UBE3C: variants seen among roughly 807,000 people sequenced by gnomAD.
UBE3C encodes the protein ubiquitin-protein ligase E3C.
Under a neutral mutation model 129.4 loss-of-function variants are expected in UBE3C, and 42 were observed. The ratio of observed to expected loss-of-function variants is 0.32; its 90% confidence interval spans 0.25 to 0.42. The LOEUF is 0.42. Ranked by LOEUF, UBE3C falls within the 10% of genes least tolerant of loss-of-function variation. The pLI is 1.00. For missense variants in UBE3C, 1,049 were observed against 1,319.1 expected (o/e 0.80, Z 3.17); for synonymous variants, 510 against 492.4 (o/e 1.04, Z -0.47).
chr7:157,198,222 G>T, intron 10 of UBE3C: 1 of 1,472,454 alleles, frequency 6.8e-7, no homozygotes, highest in Non-Finnish European at 9.5e-7. Flanking sequence ...CTTACAAAAG[G>T]AATTACCCAA....
chr7:157,164,282 C>T, intron 2 of UBE3C: 1 of 451,236 alleles, frequency 2.2e-6, no homozygotes, highest in Non-Finnish European at 4.4e-6. Context: ...CTCTAGCCTC[C>T]TGTAGCTGGG....
intron 1 of UBE3C, among the ~76,000 whole-genome samples, chr7:157,143,025 G>T (rs545952092): frequency 6.6e-6 from 1 of 151,878 alleles, no homozygotes; most frequent in South Asian, 2.1e-4. Context: ...GCACCACCAC[G>T]TCTGGCTAAT....
At chr7:157,218,428 G>A (rs1463655253) in intron 14 of UBE3C, among the ~76,000 whole-genome samples, 4 of 151,624 alleles carry the variant, frequency 2.6e-5, no homozygotes, top group East Asian at 1.9e-4. Flanking sequence ...CAGCCTGGGC[G>A]ACAGAGCAAG....
rs1808940502 is a variant in UBE3C at position 157,190,810 on chromosome 7, C to A, written c.1331+3789C>A. Among the ~76,000 whole-genome samples the A allele has an allele frequency of 2.0e-5, 3 of 152,246 alleles. No individual in the cohort carries two copies. The South Asian group carries it at 6.2e-4, about 31-fold the overall frequency. On this transcript the variant is annotated intron_variant, in intron 10 of 22. Coordinates refer to ENST00000348165, the MANE Select transcript of UBE3C (RefSeq NM_014671.3). ...GTTTACCTCTCAACTTTATTTCTAG[C>A]ACAAAATACTTTTTCTCCAACCATA...
intron 1 of UBE3C, among the ~76,000 whole-genome samples, chr7:157,156,371 A>G (rs548727822): frequency 2.7e-3 from 362 of 133,226 alleles, no homozygotes; most frequent in Middle Eastern, 9.3e-3. Context: ...CAGTGGCATG[A>G]TCTCGGCTCA....
intron 15 of UBE3C, 176 bp from the exon 16 acceptor site, chr7:157,223,078 G>C (rs1795782616): frequency 1.6e-6 from 1 of 616,308 alleles, no homozygotes; most frequent in Non-Finnish European, 2.9e-6. Context: ...CTACTGTGCT[G>C]ATCCTGCACT....
At chr7:157,250,332 G>A (rs1032715282) in intron 19 of UBE3C, among the ~76,000 whole-genome samples, 1 of 152,046 alleles carries the variant, frequency 6.6e-6, no homozygotes, top group Non-Finnish European at 1.5e-5. Flanking sequence ...GATTACAGGC[G>A]TACACCACCA....
chr7:157,202,350 T>C lies in UBE3C; in HGVS notation c.1418+543T>C, dbSNP rs367731338. ...TTAGCCTAGTACTCTGTTGTTGAAT[T>C]TTTCCTCTGCCAGAAGTCTAAGCCG... On this transcript the variant is annotated intron_variant, in intron 11 of 22. Transcript: ENST00000348165. 2.0e-3 allele frequency among the ~76,000 whole-genome samples: 300 copies of C among 152,216 alleles called. 1 individual carries two copies. Among genetic ancestry groups the C allele is most frequent in the African/African-American group, 6.6e-3 (276 of 41,538 alleles).
intron 10 of UBE3C, among the ~76,000 whole-genome samples, chr7:157,188,144 A>G (rs951141227): frequency 6.6e-6 from 1 of 152,268 alleles, no homozygotes; most frequent in East Asian, 1.9e-4. Context: ...TAGTTCTGCT[A>G]GGACCCAAGG....
intron 18 of UBE3C, among the ~76,000 whole-genome samples, chr7:157,239,853 G>A (rs1264100693): frequency 1.3e-5 from 2 of 152,196 alleles, no homozygotes; most frequent in East Asian, 3.9e-4. Flanking sequence ...GGAACACTGG[G>A]TGCAGCTGCA....
chr7:157,228,133 T>TC, intron 17 of UBE3C, among the ~76,000 whole-genome samples: 1 of 152,368 alleles, frequency 6.6e-6, no homozygotes, highest in East Asian at 1.9e-4. Context: ...AATCCATGCT[T>TC]TACGATGCTC....
intron 1 of UBE3C, among the ~76,000 whole-genome samples, chr7:157,140,927 T>C (rs927414759): frequency 2.6e-5 from 4 of 152,168 alleles, no homozygotes; most frequent in African/African-American, 9.7e-5. Context: ...AAGAGATCCT[T>C]GTGCAAGTGA....
chr7:157,244,904 G>A (rs576542590), intron 18 of UBE3C, among the ~76,000 whole-genome samples: 1 of 152,268 alleles, frequency 6.6e-6, no homozygotes, highest in African/African-American at 2.4e-5. Context: ...AGGAACAAGC[G>A]TGGTACAGCT....
intron 8 of UBE3C, among the ~76,000 whole-genome samples, chr7:157,182,638 C>T (rs903458683): frequency 9.2e-5 from 14 of 152,150 alleles, no homozygotes; most frequent in African/African-American, 2.2e-4. Context: ...TTCCAGTGTG[C>T]CTCTTCTAGA....
intron 15 of UBE3C, 60 bp downstream of exon 15, chr7:157,220,836 C>G: frequency 6.5e-7 from 1 of 1,548,312 alleles, no homozygotes. Flanking sequence ...AAATTCACTC[C>G]TTTAATCTAC....
chr7:157,195,002 A>G (rs1809077026), intron 10 of UBE3C, among the ~76,000 whole-genome samples: 1 of 152,218 alleles, frequency 6.6e-6, no homozygotes, highest in African/African-American at 2.4e-5. Context: ...TCAAGGCAAA[A>G]GCCACTAAAA....
intron 4 of UBE3C, among the ~76,000 whole-genome samples, chr7:157,171,285 G>C (rs1395742647): frequency 6.6e-6 from 1 of 151,860 alleles, no homozygotes; most frequent in African/African-American, 2.4e-5. Context: ...TTACCAACAT[G>C]CCTGGCTAAT....
chr7:157,251,445 T>G (rs1033295549), intron 19 of UBE3C, among the ~76,000 whole-genome samples: 2 of 152,206 alleles, frequency 1.3e-5, no homozygotes, highest in African/African-American at 4.8e-5. Flanking sequence ...GTAGAAAAGA[T>G]TGGACTTGAG....
intron 17 of UBE3C, among the ~76,000 whole-genome samples, chr7:157,226,836 T>C (rs1436509272): frequency 1.3e-5 from 2 of 151,980 alleles, no homozygotes; most frequent in Non-Finnish European, 2.9e-5. Flanking sequence ...GGCTGTGGCC[T>C]CTCCACAGGG....
Sources: allele counts gnomAD v4.1 joint callset (sites outside exome capture counted in the v4.1 genomes callset), GRCh38; gene constraint gnomAD v4.1.1; transcripts MANE v1.5; gene names NCBI Gene and HGNC (gene_info 2026-07-23, HGNC 2026-07-21).